Variants in GRIA4 observed in about 807,000 individuals in gnomAD.
GRIA4 encodes the protein glutamate receptor 4.
In GRIA4, 34 loss-of-function variants were observed where a neutral mutation model predicts 104.0. The observed-to-expected ratio is 0.33, with a 90% CI of 0.25 to 0.44. The LOEUF is 0.44. Among genes scored for constraint, GRIA4 ranks in the 20% least tolerant of loss-of-function variants. GRIA4 has a pLI of 1.00. For synonymous variants in GRIA4, 386 were observed against 381.9 expected, an observed-to-expected ratio of 1.01 and a Z score of -0.13; for missense variants, 750 against 1,096.5, an observed-to-expected ratio of 0.68 and a Z score of 4.46.
chr11:105,761,086 G>A (rs1240889663), intron 4 of GRIA4, among the ~76,000 whole-genome samples: 2 of 152,008 alleles, frequency 1.3e-5, no homozygotes, highest in Non-Finnish European at 2.9e-5. Flanking sequence ...TCCCACCTTG[G>A]TCACAGATTT....
chr11:105,724,735 T>A (rs1157536359), intron 3 of GRIA4, among the ~76,000 whole-genome samples: 9 of 152,164 alleles, frequency 5.9e-5, no homozygotes, highest in Admixed American at 2.0e-4. Context: ...ACCATCACTC[T>A]GCAATATATC....
At chr11:105,869,610 C>A (rs896951828) in intron 5 of GRIA4, among the ~76,000 whole-genome samples, 5 of 152,020 alleles carry the variant, frequency 3.3e-5, no homozygotes, top group African/African-American at 1.2e-4. Flanking sequence ...AAAAAGGCAG[C>A]AAAACATTCA....
chr11:105,860,964 A>G (rs1267705420), intron 4 of GRIA4, among the ~76,000 whole-genome samples: 1 of 98,448 alleles, frequency 1.0e-5, no homozygotes, highest in East Asian at 2.8e-4. Flanking sequence ...CTGAAAAAAA[A>G]AAAAAAAAAA....
At chr11:105,738,869 TG>T in intron 3 of GRIA4, among the ~76,000 whole-genome samples, 1 of 149,418 alleles carries the variant, frequency 6.7e-6, no homozygotes, top group Middle Eastern at 3.5e-3. Context: ...AGTAAATCAC[TG>T]GGTGCCTCTT....
chr11:105,892,004 A>G (rs1192866375), intron 6 of GRIA4, among the ~76,000 whole-genome samples: 1 of 152,188 alleles, frequency 6.6e-6, no homozygotes, highest in Admixed American at 6.5e-5. Context: ...TTTTTAATAG[A>G]TACAAAAATG....
At chr11:105,758,495 G>T (rs537048165) in intron 4 of GRIA4, among the ~76,000 whole-genome samples, 2 of 152,226 alleles carry the variant, frequency 1.3e-5, no homozygotes, top group South Asian at 4.1e-4. Context: ...AATGAATTAT[G>T]ATCTCCTGAC....
chr11:105,856,502 A>G (rs1449857174), intron 4 of GRIA4, among the ~76,000 whole-genome samples: 2 of 152,182 alleles, frequency 1.3e-5, no homozygotes, highest in East Asian at 1.9e-4. Context: ...TTTTAAGGAG[A>G]GTTTCCTGAA....
chr11:105,885,440 A>G (rs1946220703), intron 5 of GRIA4, among the ~76,000 whole-genome samples: 3 of 152,234 alleles, frequency 2.0e-5, no homozygotes, highest in Admixed American at 2.0e-4. Flanking sequence ...GAGGAAGGTT[A>G]TGTAAAATAT....
At chr11:105,614,439 T>A (rs1950550334) in intron 3 of GRIA4, 1 of 151,904 alleles carries the variant, frequency 6.6e-6, no homozygotes. Context: ...GTAAAGTACT[T>A]GTAAACATGA....
At chr11:105,693,923 T>G (rs1007592611) in intron 3 of GRIA4, among the ~76,000 whole-genome samples, 1 of 152,188 alleles carries the variant, frequency 6.6e-6, no homozygotes, top group Non-Finnish European at 1.5e-5. Context: ...AAGCCTAAAA[T>G]GTTTGCTATC....
At chr11:105,907,451 G>A (rs941535534) in intron 9 of GRIA4, among the ~76,000 whole-genome samples, 3 of 152,176 alleles carry the variant, frequency 2.0e-5, no homozygotes, top group African/African-American at 7.2e-5. Flanking sequence ...AATCATTCTT[G>A]TAAATTGAAC....
chr11:105,832,570 G>A lies in GRIA4; in HGVS notation c.488-29454G>A, dbSNP rs191641506. Among the ~76,000 whole-genome samples, 25 of 151,950 alleles carry A rather than the reference G, an allele frequency of 1.6e-4. No individual in the cohort carries two copies. In the East Asian group the frequency reaches 4.1e-3, roughly 25 times the overall value. ...TTTTACAGATGAGCAAACTGAAGCCGAGAGAAGTGATTATTCCAGAGTGGA... is the reference window on the plus strand; with the variant it reads ...TTTTACAGATGAGCAAACTGAAGCCAAGAGAAGTGATTATTCCAGAGTGGA... On this transcript the variant is annotated intron_variant, in intron 4 of 16. Coordinates refer to ENST00000282499, the MANE Select transcript of GRIA4 (RefSeq NM_000829.4).
chr11:105,695,248 A>G (rs1953227779), intron 3 of GRIA4, among the ~76,000 whole-genome samples: 1 of 152,036 alleles, frequency 6.6e-6, no homozygotes. Context: ...GTTTTGATCT[A>G]TTTTGGTTTG....
intron 4 of GRIA4, among the ~76,000 whole-genome samples, chr11:105,805,091 A>C (rs979230844): frequency 2.0e-5 from 3 of 151,952 alleles, no homozygotes; most frequent in Non-Finnish European, 4.4e-5. Context: ...ATGTATGCAA[A>C]ATTATATGCA....
At chr11:105,679,823 G>T (rs12365954) in intron 3 of GRIA4, among the ~76,000 whole-genome samples, 1 of 152,104 alleles carries the variant, frequency 6.6e-6, no homozygotes. Flanking sequence ...TTTGAGCTCA[G>T]CAAGATCCTC....
At position 105,853,411 on chromosome 11, in the gene GRIA4, C is replaced by T. The variant is rs374286762; in HGVS notation, c.488-8613C>T. ...TAGGATATCTCTAAAGGTATTCCTGCTGAGATATGTGGGACTCTGGGCTTC... is the reference window on the plus strand; with the variant it reads ...TAGGATATCTCTAAAGGTATTCCTGTTGAGATATGTGGGACTCTGGGCTTC... On this transcript the variant is annotated intron_variant, in intron 4 of 16. Coordinates refer to ENST00000282499, the MANE Select transcript of GRIA4 (RefSeq NM_000829.4). Among the ~76,000 whole-genome samples the T allele has an allele frequency of 1.2e-4, 19 of 152,184 alleles. No individual in the cohort carries two copies. The East Asian group carries it at 3.1e-3, about 25-fold the overall frequency.
chr11:105,839,692 A>C (rs1388333587), intron 4 of GRIA4, among the ~76,000 whole-genome samples: 5 of 152,074 alleles, frequency 3.3e-5, no homozygotes, highest in African/African-American at 9.6e-5. Context: ...TGGGCAACAG[A>C]GCAAGACTCC....
At chr11:105,904,234 AAAC>A (rs1392271956) in intron 8 of GRIA4, among the ~76,000 whole-genome samples, 1 of 152,206 alleles carries the variant, frequency 6.6e-6, no homozygotes, top group East Asian at 1.9e-4. Flanking sequence ...CAGTGACTCA[AAAC>A]AACAAAGGAG....
intron 3 of GRIA4, among the ~76,000 whole-genome samples, chr11:105,724,300 G>A (rs1266346110): frequency 6.7e-6 from 1 of 148,852 alleles, no homozygotes; most frequent in Non-Finnish European, 1.5e-5. Flanking sequence ...TCCATAAAAG[G>A]ACAATTAGAT....
Sources: gnomAD v4.1 joint callset for allele counts (sites outside exome capture counted in the v4.1 genomes callset) on GRCh38, gnomAD v4.1.1 for gene constraint, MANE v1.5 for transcripts, NCBI Gene and HGNC (gene_info 2026-07-23, HGNC 2026-07-21) for gene names.